The following ADCY8 variants were observed in gnomAD, a reference collection of about 807,000 sequenced individuals.
The protein encoded by ADCY8 is adenylate cyclase 8.
In ADCY8, 51 loss-of-function variants were observed where a neutral mutation model predicts 119.7. The ratio of observed to expected loss-of-function variants is 0.43; its 90% CI spans 0.34 to 0.54. The LOEUF is 0.54. Among genes scored for constraint, ADCY8 ranks in the 20% least tolerant of loss-of-function variants. The pLI is 0.03. For missense variants in ADCY8, 1,383 were observed against 1,598.8 expected (o/e 0.87, Z 2.30); for synonymous variants, 665 against 651.0 (o/e 1.02, Z -0.33).
chr8:130,858,027 G>A (rs1324760019), intron 9 of ADCY8, among the ~76,000 whole-genome samples: 1 of 152,138 alleles, frequency 6.6e-6, no homozygotes, highest in East Asian at 1.9e-4. Context: ...TTTGGACAGT[G>A]GGAACTTCTA....
intron 9 of ADCY8, among the ~76,000 whole-genome samples, chr8:130,861,668 T>A (rs1172077352): frequency 6.6e-6 from 1 of 152,176 alleles, no homozygotes; most frequent in Non-Finnish European, 1.5e-5. Context: ...GCCTTTTATT[T>A]CTTTTTGTTG....
At chr8:130,975,365 T>C (rs935127786) in intron 2 of ADCY8, among the ~76,000 whole-genome samples, 4 of 152,204 alleles carry the variant, frequency 2.6e-5, no homozygotes, top group African/African-American at 7.2e-5. Context: ...ACAGTAGTCA[T>C]GCTGACATGT....
At chr8:130,804,950 T>C (rs1461085522) in intron 14 of ADCY8, among the ~76,000 whole-genome samples, 1 of 152,168 alleles carries the variant, frequency 6.6e-6, no homozygotes, top group African/African-American at 2.4e-5. Flanking sequence ...TTTCATCACA[T>C]TGGCCAGGCT....
At chr8:130,973,201 C>T (rs770304507) in intron 2 of ADCY8, among the ~76,000 whole-genome samples, 95 of 152,156 alleles carry the variant, frequency 6.2e-4, no homozygotes, top group Non-Finnish European at 1.1e-3. Context: ...AAGGGAGTCA[C>T]AGACAACCCA....
At chr8:130,785,729 T>A (rs1815230459) in intron 15 of ADCY8, among the ~76,000 whole-genome samples, 1 of 152,210 alleles carries the variant, frequency 6.6e-6, no homozygotes, top group Admixed American at 6.5e-5. Context: ...CACATGTAAA[T>A]CAGATCCTGT....
At chr8:130,941,944 T>C (rs895595003) in intron 4 of ADCY8, among the ~76,000 whole-genome samples, 3 of 152,244 alleles carry the variant, frequency 2.0e-5, no homozygotes, top group African/African-American at 7.2e-5. Flanking sequence ...CATGTCTGTC[T>C]GACTGTGGGG....
At chr8:130,959,015 A>T (rs1821519947) in intron 2 of ADCY8, among the ~76,000 whole-genome samples, 1 of 152,178 alleles carries the variant, frequency 6.6e-6, no homozygotes, top group Admixed American at 6.5e-5. Flanking sequence ...TTGTTGTAGG[A>T]TTTCTGTAAT....
At chr8:130,972,340 T>G (rs1821947439) in intron 2 of ADCY8, among the ~76,000 whole-genome samples, 1 of 152,180 alleles carries the variant, frequency 6.6e-6, no homozygotes, top group South Asian at 2.1e-4. Flanking sequence ...TGCTGTCATC[T>G]CTCATCATGT....
intron 5 of ADCY8, among the ~76,000 whole-genome samples, chr8:130,910,989 T>G (rs980960580): frequency 1.3e-5 from 2 of 152,212 alleles, no homozygotes; most frequent in Non-Finnish European, 2.9e-5. Context: ...TTAAAAGAGT[T>G]GTCAGACTTA....
chr8:130,894,295 C>T (rs946667476), intron 7 of ADCY8, among the ~76,000 whole-genome samples: 4 of 152,088 alleles, frequency 2.6e-5, no homozygotes, highest in African/African-American at 9.7e-5. Flanking sequence ...TTCCTTTTAC[C>T]CTAACTTTCC....
At chr8:131,031,863 T>C (rs561389119) in intron 1 of ADCY8, among the ~76,000 whole-genome samples, 1 of 152,320 alleles carries the variant, frequency 6.6e-6, no homozygotes, top group Admixed American at 6.5e-5. Flanking sequence ...TTTTTTGTGC[T>C]CTTATTTCTT....
Position 130,866,837 on chromosome 8 carries a change from T to C in ADCY8, c.2210+1009A>G, listed in dbSNP as rs538429507. 2.0e-5 allele frequency among the ~76,000 whole-genome samples: 3 copies of C among 152,248 alleles called. No individual in the cohort carries two copies. In the South Asian group the frequency reaches 6.2e-4, roughly 32 times the overall value. ...CTCACTCATCAGTTATTTTTGAGGC[T>C]TTTTGAGACAATCCATGGAAAAGAT... On this transcript the variant is annotated intron_variant, in intron 9 of 17. Coordinates refer to ENST00000286355, the MANE Select transcript of ADCY8 (RefSeq NM_001115.3).
intron 14 of ADCY8, among the ~76,000 whole-genome samples, chr8:130,811,982 C>A (rs1377942941): frequency 6.6e-6 from 1 of 152,212 alleles, no homozygotes; most frequent in African/African-American, 2.4e-5. Flanking sequence ...AGAGGGGGAA[C>A]CAAATCATTT....
At chr8:131,018,790 G>A (rs1307720862) in intron 1 of ADCY8, among the ~76,000 whole-genome samples, 8 of 152,208 alleles carry the variant, frequency 5.3e-5, no homozygotes, top group Admixed American at 5.2e-4. Context: ...TGTCTCCACA[G>A]CATGTGTTCT....
intron 13 of ADCY8, among the ~76,000 whole-genome samples, chr8:130,815,669 T>A (rs1816313909): frequency 6.6e-6 from 1 of 152,202 alleles, no homozygotes; most frequent in African/African-American, 2.4e-5. Context: ...TAATATAGAA[T>A]AAATGAATGA....
At chr8:130,975,562 A>G (rs1447373651) in intron 2 of ADCY8, among the ~76,000 whole-genome samples, 1 of 152,252 alleles carries the variant, frequency 6.6e-6, no homozygotes, top group Non-Finnish European at 1.5e-5. Context: ...AGTTGGTGTC[A>G]GTCCCTAAAT....
chr8:130,953,143 A>G (rs116607183), intron 2 of ADCY8, among the ~76,000 whole-genome samples: 3 of 152,306 alleles, frequency 2.0e-5, no homozygotes, highest in African/African-American at 7.2e-5. Flanking sequence ...ACTGTGATAG[A>G]TGAAGTTTAA....
chr8:130,958,944 T>C (rs977278681), intron 2 of ADCY8, among the ~76,000 whole-genome samples: 4 of 152,224 alleles, frequency 2.6e-5, no homozygotes, highest in Non-Finnish European at 5.9e-5. Context: ...TCTCTTTTGT[T>C]CAGTTCAATA....
intron 9 of ADCY8, among the ~76,000 whole-genome samples, chr8:130,864,516 G>A (rs1818047257): frequency 6.6e-6 from 1 of 151,906 alleles, no homozygotes; most frequent in Non-Finnish European, 1.5e-5. Context: ...CAGAGTTCTT[G>A]GATGCTTTGA....
Sources: gnomAD v4.1 joint callset for allele counts (sites outside exome capture counted in the v4.1 genomes callset) on GRCh38, gnomAD v4.1.1 for gene constraint, MANE v1.5 for transcripts, NCBI Gene and HGNC (gene_info 2026-07-23, HGNC 2026-07-21) for gene names.